Variants in EHMT1 observed in about 807,000 individuals in gnomAD.
EHMT1 encodes the protein euchromatic histone lysine methyltransferase 1.
Under a neutral mutation model 147.2 loss-of-function variants are expected in EHMT1, and 15 were observed. That is an observed-to-expected ratio of 0.10 (90% CI 0.07 to 0.16). The LOEUF is 0.16. Ranked by LOEUF, EHMT1 falls within the 10% of genes least tolerant of loss-of-function variation. The pLI is 1.00. For synonymous variants in EHMT1, 795 were observed against 709.6 expected, an observed-to-expected ratio of 1.12 and a Z score of -1.91; for missense variants, 1,587 against 1,772.4, an observed-to-expected ratio of 0.90 and a Z score of 1.88.
chr9:137,622,835 A>C (rs1843013644), intron 1 of EHMT1, among the ~76,000 whole-genome samples: 1 of 149,888 alleles, frequency 6.7e-6, no homozygotes, highest in Admixed American at 6.7e-5. Context: ...TGATCCCAGG[A>C]GGCCAAGGCT....
chr9:137,707,059 A>G (rs1380677887), intron 1 of EHMT1, among the ~76,000 whole-genome samples: 1 of 152,240 alleles, frequency 6.6e-6, no homozygotes, highest in Non-Finnish European at 1.5e-5. Flanking sequence ...TCCTGACCTC[A>G]GGTGATCCAC....
intron 4 of EHMT1, among the ~76,000 whole-genome samples, chr9:137,742,289 TTGTGTGTGTGTGTGTGTGTGTGTG>T (rs56080406): frequency 6.4e-4 from 86 of 135,170 alleles, no homozygotes; most frequent in African/African-American, 2.3e-3. Context: ...AGAACCAAAT[TTGTGTGTGTGTGTGTGTGTGTGTG>T]TGTGTGTGTG....
chr9:137,626,304 A>C (rs1267973243), intron 1 of EHMT1, among the ~76,000 whole-genome samples: 2 of 152,060 alleles, frequency 1.3e-5, no homozygotes, highest in Non-Finnish European at 2.9e-5. Flanking sequence ...AGTTATTAAA[A>C]AACTATTTAA....
chr9:137,622,399 C>T lies in EHMT1; in HGVS notation c.21+3350C>T, dbSNP rs1002749107. Among the ~76,000 whole-genome samples the T allele has an allele frequency of 4.6e-5, 7 of 152,054 alleles. No individual in the cohort carries two copies. The South Asian group carries it at 6.2e-4, about 14-fold the overall frequency. Reference sequence around the variant, plus strand: ...CCTCCTAAAGTGCTAGGATTACAGGCGTGAGCCACCGCCCCCGGCCGATCA... The same window carrying T: ...CCTCCTAAAGTGCTAGGATTACAGGTGTGAGCCACCGCCCCCGGCCGATCA... On this transcript the variant is annotated intron_variant, in intron 1 of 26. Transcript: ENST00000460843.
At chr9:137,762,036 C>A (rs545144200) in intron 9 of EHMT1, among the ~76,000 whole-genome samples, 13 of 152,210 alleles carry the variant, frequency 8.5e-5, no homozygotes, top group Non-Finnish European at 1.8e-4. Context: ...TGTGCTGGGA[C>A]GGGCCCAAGG....
intron 6 of EHMT1, among the ~76,000 whole-genome samples, chr9:137,749,275 T>G (rs1948790166): frequency 6.6e-6 from 1 of 152,148 alleles, no homozygotes; most frequent in African/African-American, 2.4e-5. Context: ...CTATTTACTT[T>G]ATTATTTGTG....
At chr9:137,778,399 A>T (rs190021664) in intron 13 of EHMT1, among the ~76,000 whole-genome samples, 3 of 152,242 alleles carry the variant, frequency 2.0e-5, no homozygotes. Flanking sequence ...CCCAGGCCAC[A>T]CCCCATCTGT....
At chr9:137,780,172 G>T (rs1951285610) in intron 14 of EHMT1, among the ~76,000 whole-genome samples, 1 of 126,334 alleles carries the variant, frequency 7.9e-6, no homozygotes, top group Non-Finnish European at 1.6e-5. Flanking sequence ...GGTGATGACG[G>T]CATCACTGAG....
Position 137,711,112 on chromosome 9 carries a change from C to T in EHMT1, c.85+82C>T. ...CTGCTGCTCTTCCTCTCTTATTAGT[C>T]CCCGTCTTCTGACTTTCTTTGCTTC... On this transcript the variant is annotated intron_variant, in intron 2 of 26. Coordinates refer to ENST00000460843, the MANE Select transcript of EHMT1 (RefSeq NM_024757.5). 2.8e-6 allele frequency: 4 copies of T among 1,417,932 alleles called. No homozygotes were observed. The Middle Eastern group carries it at 5.3e-4, about 188-fold the overall frequency. The allele number at this position is 1,417,932 out of a possible 1,614,324, so 87.8% of individuals were successfully genotyped here.
At chr9:137,751,663 A>G (rs949185570) in intron 6 of EHMT1, among the ~76,000 whole-genome samples, 1 of 152,250 alleles carries the variant, frequency 6.6e-6, no homozygotes, top group Admixed American at 6.5e-5. Flanking sequence ...TACAGCAGAA[A>G]AAATAAGATG....
rs1951638101 is a variant in EHMT1, at chr9:137,782,507, C to T, written c.2382+110C>T. ...CTTCCAGTGTAAGAGTTCCGTAGTG[C>T]TGTGAATCGGGCACAGAGTCAGCTT... On this transcript the variant is annotated intron_variant, in intron 15 of 26. Transcript: ENST00000460843. The surrounding 1 kb of genome is among the most constrained non-coding windows in gnomAD (Gnocchi z 5.7). 1.9e-6 allele frequency: 2 copies of T among 1,036,750 alleles called. No individual in the cohort carries two copies. The highest frequency in any genetic ancestry group is 2.9e-6 in the Non-Finnish European group (2 of 696,736). The allele number at this position is 1,036,750 out of a possible 1,614,324, so 64.2% of individuals were successfully genotyped here. A position where few individuals can be genotyped will look rare whatever the true frequency, so the allele number is the denominator to read the frequency against.
Position 137,811,495 on chromosome 9 carries a change from C to T in EHMT1, c.2747C>T (p.Ser916Phe). The change falls in exon 19 of 27, where the codon TCC becomes TTC. Residue 916 changes from serine to phenylalanine, a missense_variant. Ser to Phe is a radical substitution (Grantham distance 155). This residue lies in a region of EHMT1 where 201 missense variants were observed against 350.1 expected (regional missense o/e 0.57). Coordinates refer to ENST00000460843, the MANE Select transcript of EHMT1 (RefSeq NM_024757.5). Reference sequence around the variant, plus strand: ...ATTTGCCTGCACTGGGCGGCGTTCTCCGGCTGCGTGGACATAGCCGAGATC... The same window carrying T: ...ATTTGCCTGCACTGGGCGGCGTTCTTCGGCTGCGTGGACATAGCCGAGATC... ...ENICLHWAAF[S>F]GCVDIAEILL... 6.2e-7 allele frequency: 1 copy of T among 1,612,300 alleles called. No individual in the cohort carries two copies. The highest frequency in any genetic ancestry group is 2.2e-5 in the East Asian group (1 of 44,868).
chr9:137,820,205 A>C (rs1309932727), intron 25 of EHMT1: 1 of 152,232 alleles, frequency 6.6e-6, no homozygotes. Flanking sequence ...GTTTCATAGA[A>C]GAGAAGCTGG....
At chr9:137,719,844 T>TTC (rs1158848492) in intron 3 of EHMT1, among the ~76,000 whole-genome samples, 1 of 75,506 alleles carries the variant, frequency 1.3e-5, no homozygotes, top group Non-Finnish European at 2.7e-5. Context: ...CCAGGACACA[T>TTC]GAGGTGCCGA....
intron 9 of EHMT1, among the ~76,000 whole-genome samples, chr9:137,758,656 C>G (rs1371941645): frequency 1.3e-5 from 2 of 152,168 alleles, no homozygotes; most frequent in African/African-American, 4.8e-5. Context: ...AAATGCAAAT[C>G]TTATTTACAT....
intron 15 of EHMT1, among the ~76,000 whole-genome samples, chr9:137,789,753 A>T (rs1952368042): frequency 6.6e-6 from 1 of 152,152 alleles, no homozygotes; most frequent in Non-Finnish European, 1.5e-5. Context: ...TTTTTGTAAC[A>T]GAGTTCACTT....
chr9:137,656,958 C>G (rs1938522994), intron 1 of EHMT1, among the ~76,000 whole-genome samples: 1 of 152,116 alleles, frequency 6.6e-6, no homozygotes, highest in African/African-American at 2.4e-5. Context: ...CCAGGCTGGT[C>G]TTGAACTCTT....
chr9:137,741,599 C>T (rs745426275), intron 4 of EHMT1, among the ~76,000 whole-genome samples: 3 of 152,168 alleles, frequency 2.0e-5, no homozygotes, highest in Non-Finnish European at 4.4e-5. Flanking sequence ...GGAAAAGAAT[C>T]TAGTGAGAAA....
intron 1 of EHMT1, among the ~76,000 whole-genome samples, chr9:137,633,231 A>G (rs188557482): frequency 6.6e-6 from 1 of 152,222 alleles, no homozygotes; most frequent in East Asian, 1.9e-4. Context: ...AGCAGGCTGG[A>G]TAGTATTTCA....
Sources: gnomAD v4.1 joint callset for allele counts (sites outside exome capture counted in the v4.1 genomes callset) on GRCh38, gnomAD v4.1.1 for gene constraint, gnomAD v4.1.1 regional missense constraint, Gnocchi (gnomAD v3.1) non-coding constraint, MANE v1.5 for transcripts, NCBI Gene and HGNC (gene_info 2026-07-23, HGNC 2026-07-21) for gene names.